The following DACH1 variants were observed in gnomAD, a reference collection of about 807,000 sequenced individuals.
DACH1 encodes the protein dachshund family transcription factor 1.
Under a neutral mutation model 54.2 loss-of-function variants are expected in DACH1, and 12 were observed. The ratio of observed to expected loss-of-function variants is 0.22; its 90% CI spans 0.14 to 0.36. The LOEUF (loss-of-function observed/expected upper bound fraction) is 0.36. DACH1 is among the 10% of genes least tolerant of loss of function. The pLI, the probability that DACH1 is intolerant of heterozygous loss-of-function variation, is 1.00. For synonymous variants in DACH1, 386 were observed against 366.2 expected (o/e 1.05, Z -0.62); for missense variants, 805 against 929.8 (o/e 0.87, Z 1.75).
intron 4 of DACH1, among the ~76,000 whole-genome samples, chr13:71,569,750 T>C (rs1243060267): frequency 6.6e-6 from 1 of 152,206 alleles, no homozygotes; most frequent in African/African-American, 2.4e-5. Context: ...TGCATTTAGG[T>C]TGAGTTTTAA....
At chr13:71,756,093 C>T (rs193107924) in intron 1 of DACH1, among the ~76,000 whole-genome samples, 36 of 152,060 alleles carry the variant, frequency 2.4e-4, no homozygotes, top group Admixed American at 1.2e-3. Context: ...TGCGGTAGCC[C>T]GATCTCGGCT....
At chr13:71,756,026 C>A (rs1014979668) in intron 1 of DACH1, among the ~76,000 whole-genome samples, 1 of 151,428 alleles carries the variant, frequency 6.6e-6, no homozygotes, top group Non-Finnish European at 1.5e-5. Flanking sequence ...AAACTAAAGA[C>A]TTTTTTATTT....
chr13:71,805,492 A>C (rs1887461435), intron 1 of DACH1, among the ~76,000 whole-genome samples: 1 of 152,190 alleles, frequency 6.6e-6, no homozygotes, highest in Non-Finnish European at 1.5e-5. Context: ...GCTTTAATTC[A>C]CACTTTCAAT....
At chr13:71,757,435 G>T (rs1387021088) in intron 1 of DACH1, among the ~76,000 whole-genome samples, 3 of 151,464 alleles carry the variant, frequency 2.0e-5, no homozygotes, top group Admixed American at 6.6e-5. Flanking sequence ...CCTCTGTAGG[G>T]ACCATTTTTC....
At chr13:71,645,874 T>C (rs1432072144) in intron 2 of DACH1, among the ~76,000 whole-genome samples, 1 of 152,172 alleles carries the variant, frequency 6.6e-6, no homozygotes, top group Non-Finnish European at 1.5e-5. Context: ...TATCTAAACA[T>C]TGCTGCACTA....
At chr13:71,481,877 G>A (rs1276604430) in intron 7 of DACH1, among the ~76,000 whole-genome samples, 1 of 152,192 alleles carries the variant, frequency 6.6e-6, no homozygotes, top group Admixed American at 6.5e-5. Flanking sequence ...TGTAACTTCT[G>A]TAAAATTTCC....
intron 1 of DACH1, among the ~76,000 whole-genome samples, chr13:71,743,326 T>C (rs1260333930): frequency 2.0e-5 from 3 of 152,128 alleles, no homozygotes; most frequent in African/African-American, 7.2e-5. Flanking sequence ...ATAAAGTTGA[T>C]ACATGGAAAT....
In DACH1 at chr13:71,659,969, A is replaced by G. The variant is rs543302226; in HGVS notation, c.964+21826T>C. 1.6e-3 allele frequency among the ~76,000 whole-genome samples: 244 copies of G among 152,224 alleles called. 2 individuals carry two copies. Among genetic ancestry groups the G allele is most frequent in the Non-Finnish European group, 3.0e-3 (207 of 67,988 alleles). ...GAGTCACTGGCATTATACAATTTCA[A>G]TTCAGTGGTACCCATTCAAGAACCA... On this transcript the variant is annotated intron_variant, in intron 2 of 10. Coordinates refer to ENST00000613252, the MANE Select transcript of DACH1 (RefSeq NM_080759.6).
intron 1 of DACH1, among the ~76,000 whole-genome samples, chr13:71,735,607 A>C (rs535620965): frequency 6.6e-6 from 1 of 151,306 alleles, no homozygotes; most frequent in African/African-American, 2.4e-5. Context: ...CGTATATGGG[A>C]TATACGTGTA....
At chr13:71,638,466 TCTAA>T (rs1392468943) in intron 2 of DACH1, among the ~76,000 whole-genome samples, 4 of 152,186 alleles carry the variant, frequency 2.6e-5, no homozygotes, top group African/African-American at 4.8e-5. Context: ...TTGTTTGCAT[TCTAA>T]CTGATATCAG....
chr13:71,596,416 C>A lies in DACH1; in HGVS notation c.1127-23404G>T, dbSNP rs994701002. ...AGGAAAAGATACCATGGCATTTATA[C>A]ACTTTGGGGATTTTGGAAACAAAGT... On this transcript the variant is annotated intron_variant, in intron 3 of 10. Transcript: ENST00000613252. 3.0e-4 allele frequency among the ~76,000 whole-genome samples: 45 copies of A among 152,142 alleles called. 1 individual carries two copies. Among genetic ancestry groups the A allele is most frequent in the African/African-American group, 1.1e-3 (45 of 41,416 alleles).
At chr13:71,553,588 T>A (rs1593883173) in intron 6 of DACH1, among the ~76,000 whole-genome samples, 1 of 145,494 alleles carries the variant, frequency 6.9e-6, no homozygotes, top group East Asian at 2.1e-4. Flanking sequence ...CATTTTGTAT[T>A]TTTATATTTT....
In DACH1 at chr13:71,491,772, G is replaced by A. The variant is rs141228799; in HGVS notation, c.1571-2624C>T. 3.4e-3 allele frequency among the ~76,000 whole-genome samples: 520 copies of A among 152,152 alleles called. 9 individuals carry two copies. The highest frequency in any genetic ancestry group is 0.022 in the Admixed American group (338 of 15,270). On this transcript the variant is annotated intron_variant, in intron 6 of 10. Transcript: ENST00000613252. ...GGCAATTAATATCATAGAAGATTTC[G>A]TTTAGCTCTTCCTACAAAGATTGTA...
rs1257832766 is a variant in DACH1, at chr13:71,692,433, C to T, written c.849-10523G>A. ...TAGGCACTGATTATTAGTCAAACAT[C>T]TTTAGGATATCATGATTTGTTTGCC... On this transcript the variant is annotated intron_variant, in intron 1 of 10. Coordinates refer to ENST00000613252, the MANE Select transcript of DACH1 (RefSeq NM_080759.6). Among the ~76,000 whole-genome samples the T allele has an allele frequency of 2.7e-5, 4 of 145,858 alleles. No homozygotes were observed. In the South Asian group the frequency reaches 6.7e-4, roughly 25 times the overall value.
chr13:71,556,990 C>G, intron 6 of DACH1, 34 bp downstream of exon 6: 1 of 1,538,648 alleles, frequency 6.5e-7, no homozygotes, highest in Non-Finnish European at 8.7e-7. Flanking sequence ...TCTATTGAAT[C>G]GGGAAAAACA....
intron 1 of DACH1, among the ~76,000 whole-genome samples, chr13:71,700,592 G>A (rs1271175121): frequency 3.4e-5 from 5 of 147,190 alleles, no homozygotes; most frequent in African/African-American, 1.0e-4. Context: ...AAAAGAGAGA[G>A]AGAGAGAGAG....
intron 3 of DACH1, among the ~76,000 whole-genome samples, chr13:71,592,192 A>G (rs1203818196): frequency 4.6e-5 from 7 of 152,142 alleles, no homozygotes; most frequent in Admixed American, 3.9e-4. Context: ...TGAGGAGGAG[A>G]AAGAAGTACT....
rs574793035 is a variant in DACH1 at position 71,443,090 on chromosome 13, A to T, written c.2084-2398T>A. ...ATTATTAAATGTAATTATATATTAT[A>T]TGTAATTACATATATTATAAGTATA... On this transcript the variant is annotated intron_variant, in intron 10 of 10. Coordinates refer to ENST00000613252, the MANE Select transcript of DACH1 (RefSeq NM_080759.6). Among the ~76,000 whole-genome samples, 20 of 148,580 alleles carry T rather than the reference A, an allele frequency of 1.3e-4. No homozygotes were observed. In the East Asian group the frequency reaches 3.7e-3, roughly 27 times the overall value.
At chr13:71,529,781 T>C (rs141502158) in intron 6 of DACH1, among the ~76,000 whole-genome samples, 1 of 152,296 alleles carries the variant, frequency 6.6e-6, no homozygotes, top group African/African-American at 2.4e-5. Flanking sequence ...CTCCATGTTG[T>C]TTGTGAATAT....
Sources: allele counts gnomAD v4.1 joint callset (sites outside exome capture counted in the v4.1 genomes callset), GRCh38; gene constraint gnomAD v4.1.1; transcripts MANE v1.5; gene names NCBI Gene and HGNC (gene_info 2026-07-23, HGNC 2026-07-21).